The following ISG20 variants were observed in gnomAD, a reference collection of about 807,000 sequenced individuals.
The protein encoded by ISG20 is interferon-stimulated gene 20 kDa protein.
A neutral mutation model predicts 11.1 loss-of-function variants in ISG20; 8 were observed. That is an observed-to-expected ratio of 0.72 (90% CI 0.42 to 1.30). ISG20 has a LOEUF of 1.30. ISG20 is among the 50% of genes most tolerant of loss of function. The pLI is 0.01. For missense variants in ISG20, 243 were observed against 250.2 expected (o/e 0.97, Z 0.19); for synonymous variants, 110 against 101.7 (o/e 1.08, Z -0.49).
upstream of ISG20, among the ~76,000 whole-genome samples, chr15:88,637,733 A>G (rs557353155): frequency 1.3e-5 from 2 of 152,274 alleles, no homozygotes; most frequent in East Asian, 3.9e-4. Flanking sequence ...ACCACGGGGC[A>G]CTGGGGGGTC....
upstream of ISG20, among the ~76,000 whole-genome samples, chr15:88,636,909 C>T (rs984850555): frequency 2.0e-5 from 3 of 152,162 alleles, no homozygotes; most frequent in Non-Finnish European, 4.4e-5. Context: ...ACCCCCCAGG[C>T]CACATTGGAA....
chr15:88,640,495 G>T (rs1034257709), intron 2 of ISG20, among the ~76,000 whole-genome samples: 5 of 152,134 alleles, frequency 3.3e-5, no homozygotes, highest in African/African-American at 1.2e-4. Context: ...GAGTTAAGAG[G>T]GTCAGTTTCA....
In ISG20 at chr15:88,655,767, A is replaced by C; in HGVS notation, c.*236A>C. On this transcript the variant is annotated 3_prime_UTR_variant, in exon 4 of 4. Coordinates refer to ENST00000306072, the MANE Select transcript of ISG20 (RefSeq NM_002201.6). ...ATGCTGGGGAGGTGGGCAAGTATCAATTTCCTTAATATCTTGAATCCTGTG... is the reference window on the plus strand; with the variant it reads ...ATGCTGGGGAGGTGGGCAAGTATCACTTTCCTTAATATCTTGAATCCTGTG... 1 of 395,562 alleles carries C rather than the reference A, an allele frequency of 2.5e-6. No individual in the cohort carries two copies. Among genetic ancestry groups the C allele is most frequent in the South Asian group, 3.3e-5 (1 of 29,992 alleles). 24.5% of individuals were successfully genotyped at this position (395,562 alleles called of 1,614,324 possible).
Position 88,639,535 on chromosome 15 carries a change from A to T in ISG20, c.169A>T (p.Ser57Cys). 1 of 1,614,202 alleles carries T rather than the reference A, an allele frequency of 6.2e-7. No homozygotes were observed. Residue 57 changes from serine to cysteine, a missense_variant, in exon 2 of 4, where the codon AGC becomes TGC. Ser to Cys is a moderately radical substitution (Grantham distance 112). Coordinates refer to ENST00000306072, the MANE Select transcript of ISG20 (RefSeq NM_002201.6). This position sits in a 1 kb window ranked among gnomAD's most constrained non-coding sequence, Gnocchi z 4.2. ...GEITDYRTRV[S>C]GVTPQHMVGA... ...GATCACCGATTACAGAACCCGGGTC[A>T]GCGGGGTCACCCCTCAGCACATGGT...
chr15:88,639,534 CAGCGGGGT>C lies in ISG20; in HGVS notation c.169_176del (p.Ser57HisfsTer31). 6.2e-7 allele frequency: 1 copy of C among 1,614,164 alleles called. No homozygotes were observed. Among genetic ancestry groups the C allele is most frequent in the African/African-American group, 1.3e-5 (1 of 75,036 alleles). ...AGATCACCGATTACAGAACCCGGGT[CAGCGGGGT>C]CACCCCTCAGCACATGGTGGGGGCC... is the stretch of plus-strand genomic sequence containing the variant. On this transcript the variant is annotated frameshift_variant, in exon 2 of 4. Transcript: ENST00000306072. LOFTEE classifies it high-confidence loss of function. This position sits in a 1 kb window ranked among gnomAD's most constrained non-coding sequence, Gnocchi z 4.2.
intron 2 of ISG20, among the ~76,000 whole-genome samples, chr15:88,642,261 T>C (rs983615862): frequency 3.9e-5 from 6 of 152,176 alleles, no homozygotes; most frequent in African/African-American, 1.4e-4. Context: ...ACCAATCATA[T>C]TGGATTATGA....
At chr15:88,637,107 T>C (rs115733205), upstream of ISG20, among the ~76,000 whole-genome samples, 2,943 of 152,282 alleles carry the variant, frequency 0.019, 49 homozygotes, top group African/African-American at 0.038. Context: ...AGACCTGATC[T>C]TACTGGTCCC....
chr15:88,651,486 A>G (rs2058272399), intron 2 of ISG20: 1 of 218,584 alleles, frequency 4.6e-6, no homozygotes, highest in African/African-American at 2.3e-5. Flanking sequence ...TGGCTTCTAG[A>G]GGCTGCCTGA....
Position 88,643,577 on chromosome 15 carries a change from G to A in ISG20, c.228+3983G>A, listed in dbSNP as rs1240724604. ...AAATTAGCCGGGTGTGGTGGTGGGT[G>A]CCTGTAATCCAAGCTACTCAGGAGG... On this transcript the variant is annotated intron_variant, in intron 2 of 3. Transcript: ENST00000306072. The surrounding 1 kb of genome is among the most constrained non-coding windows in gnomAD (Gnocchi z 4.4). Among the ~76,000 whole-genome samples the A allele has an allele frequency of 6.6e-6, 1 of 152,068 alleles. No homozygotes were observed.
At chr15:88,655,316 G>A (rs1332300202) in intron 3 of ISG20, 99 bp from the exon 4 acceptor site, 41 of 1,077,122 alleles carry the variant, frequency 3.8e-5, no homozygotes, top group Admixed American at 1.8e-5. Flanking sequence ...TGACCCACCT[G>A]GGGACTCTGG....
rs1288685431 is a variant in ISG20, at chr15:88,650,791, T to G, written c.229-1319T>G. The G allele has an allele frequency of 6.2e-6, 1 of 161,784 alleles. No individual in the cohort carries two copies. The highest frequency in any genetic ancestry group is 6.1e-5 in the Admixed American group (1 of 16,404). The allele number at this position is 161,784 out of a possible 1,614,324, so 10.0% of individuals were successfully genotyped here. ...GACATTTATTTATTTATTTATTTAT[T>G]GAGACGGAGTCGTGCTCAGTCGCCC... On this transcript the variant is annotated intron_variant, in intron 2 of 3. Coordinates refer to ENST00000306072, the MANE Select transcript of ISG20 (RefSeq NM_002201.6). The surrounding 1 kb of genome is among the most constrained non-coding windows in gnomAD (Gnocchi z 4.0).
In ISG20 at chr15:88,650,578, C is replaced by A; in HGVS notation, c.229-1532C>A. 1 of 750,066 alleles carries A rather than the reference C, an allele frequency of 1.3e-6. No individual in the cohort carries two copies. Among genetic ancestry groups the A allele is most frequent in the Non-Finnish European group, 1.9e-6 (1 of 524,088 alleles). 46.5% of individuals were successfully genotyped at this position (750,066 alleles called of 1,614,324 possible). A position where few individuals can be genotyped will look rare whatever the true frequency, so the allele number is the denominator to read the frequency against. ...AATACTTATTTCGCTCGGCCACCTG[C>A]AGTTTGGGCAGGTGCTCTGCAGCAG... On this transcript the variant is annotated intron_variant, in intron 2 of 3. Transcript: ENST00000306072. This position sits in a 1 kb window ranked among gnomAD's most constrained non-coding sequence, Gnocchi z 4.0.
intron 3 of ISG20, among the ~76,000 whole-genome samples, chr15:88,653,705 G>A (rs1206745523): frequency 6.7e-6 from 1 of 149,030 alleles, no homozygotes; most frequent in African/African-American, 2.5e-5. Flanking sequence ...CTAGAAACCA[G>A]CCCTCCCGCC....
At chr15:88,652,052 C>G (rs2141404569) in intron 2 of ISG20, 58 bp from the exon 3 acceptor site, 1 of 1,608,506 alleles carries the variant, frequency 6.2e-7, no homozygotes. Flanking sequence ...TTGCCAGCCC[C>G]AGCCCCACCC....
rs552242478 is a variant in ISG20 at position 88,639,319 on chromosome 15, C to T, written c.-24-24C>T. 1.4e-5 allele frequency: 20 copies of T among 1,458,770 alleles called. No homozygotes were observed. The highest frequency in any genetic ancestry group is 2.1e-5 in the Admixed American group (1 of 48,764). 90.4% of individuals were successfully genotyped at this position (1,458,770 alleles called of 1,614,324 possible). ...GGCTTGGTTTGCCCAAGCGTGAGAC[C>T]GCCCCCCATACCCCTCTCTCCAGCA... On this transcript the variant is annotated intron_variant, in intron 1 of 3. Coordinates refer to ENST00000306072, the MANE Select transcript of ISG20 (RefSeq NM_002201.6). The surrounding 1 kb of genome is among the most constrained non-coding windows in gnomAD (Gnocchi z 4.2).
Position 88,650,256 on chromosome 15 carries a change from A to G in ISG20, c.229-1854A>G. On this transcript the variant is annotated intron_variant, in intron 2 of 3. Transcript: ENST00000306072. This position sits in a 1 kb window ranked among gnomAD's most constrained non-coding sequence, Gnocchi z 4.0. ...TCAGGTCCCCTTCCCATCCTCTCCA[A>G]CGGCAGCTGAGTGAAAGCAAGCTGA... The G allele has an allele frequency of 1.3e-6, 2 of 1,535,554 alleles. No individual in the cohort carries two copies. Among genetic ancestry groups the G allele is most frequent in the Non-Finnish European group, 1.7e-6 (2 of 1,146,848 alleles).
intron 2 of ISG20, among the ~76,000 whole-genome samples, chr15:88,644,907 G>C (rs28570261): frequency 0.44 from 66,586 of 152,110 alleles, 15,029 homozygotes; most frequent in Non-Finnish European, 0.48. Context: ...GTACCTCTCC[G>C]AGTCCCTGTA....
chr15:88,654,917 C>A (rs1192535293), intron 3 of ISG20, among the ~76,000 whole-genome samples: 2 of 152,186 alleles, frequency 1.3e-5, no homozygotes, highest in South Asian at 2.1e-4. Flanking sequence ...CTTTCACACA[C>A]CCCCTGCCCC....
chr15:88,640,215 C>T (rs144750434), intron 2 of ISG20, among the ~76,000 whole-genome samples: 29 of 152,258 alleles, frequency 1.9e-4, no homozygotes, highest in Admixed American at 9.2e-4. Flanking sequence ...GGTTAGCCAC[C>T]CCTGGGAAAT....
Sources: allele counts gnomAD v4.1 joint callset (sites outside exome capture counted in the v4.1 genomes callset), GRCh38; gene constraint gnomAD v4.1.1; non-coding constraint Gnocchi (gnomAD v3.1); transcripts MANE v1.5; gene names NCBI Gene and HGNC (gene_info 2026-07-23, HGNC 2026-07-21).